Variants in TSPAN11 observed in about 807,000 individuals in gnomAD.
The protein encoded by TSPAN11 is tetraspanin 11.
In TSPAN11, 29 loss-of-function variants were observed where a neutral mutation model predicts 32.9. That is an observed-to-expected ratio of 0.88 (90% CI 0.66 to 1.20). The LOEUF (loss-of-function observed/expected upper bound fraction) is 1.20. Among genes scored for constraint, TSPAN11 ranks in the 50% most tolerant of loss-of-function variants. The pLI, the probability that TSPAN11 is intolerant of heterozygous loss-of-function variation, is 0.00. For missense variants in TSPAN11, 283 were observed against 329.1 expected (o/e 0.86, Z 1.08); for synonymous variants, 140 against 141.3 (o/e 0.99, Z 0.07).
intron 3 of TSPAN11, among the ~76,000 whole-genome samples, chr12:30,965,387 G>T (rs555595433): frequency 6.6e-6 from 1 of 152,198 alleles, no homozygotes; most frequent in Non-Finnish European, 1.5e-5. Flanking sequence ...CCTTCCTTCC[G>T]TCGGGTCATC....
chr12:30,927,967 G>A (rs1937836635), intron 1 of TSPAN11, among the ~76,000 whole-genome samples: 1 of 152,134 alleles, frequency 6.6e-6, no homozygotes, highest in African/African-American at 2.4e-5. Flanking sequence ...TAGGGTAAGG[G>A]GCACTACTGG....
chr12:30,986,384 TTTTTAAGTAGC>T (rs1939201111), intron 7 of TSPAN11, among the ~76,000 whole-genome samples: 1 of 152,206 alleles, frequency 6.6e-6, no homozygotes, highest in Non-Finnish European at 1.5e-5. Flanking sequence ...TTGTGAGCCT[TTTTTAAGTAGC>T]AGCATCCTCT....
At chr12:31,008,818 T>A in the TSPAN11 span, among the ~76,000 whole-genome samples, 1 of 152,180 alleles carries the variant, frequency 6.6e-6, no homozygotes, top group African/African-American at 2.4e-5. Context: ...CCAATGCGAA[T>A]CTAAAGCAAG....
Position 30,982,590 on chromosome 12 carries a change from T to G in TSPAN11, c.515T>G (p.Leu172Trp). 6.2e-7 allele frequency: 1 copy of G among 1,613,032 alleles called. No homozygotes were observed. The highest frequency in any genetic ancestry group is 8.5e-7 in the Non-Finnish European group (1 of 1,179,814). The stretch of plus-strand genomic sequence containing the variant: ...TGGCAGCACAGCACGTACATCCTGT[T>G]GCGGGAGGCCGAGGGCCGCCAGGTG... ...ADWQHSTYIL[L>W]REAEGRQVPD... Residue 172 changes from leucine (L) to tryptophan (W), a missense_variant, in exon 6 of 8, where the codon TTG becomes TGG. By Grantham distance (61) the Leu-to-Trp change is moderately conservative. Transcript: ENST00000546076.
chr12:30,982,222 T>C (rs1939105699), intron 5 of TSPAN11, among the ~76,000 whole-genome samples: 1 of 152,140 alleles, frequency 6.6e-6, no homozygotes, highest in Non-Finnish European at 1.5e-5. Context: ...CCTCACTCTC[T>C]GGGGACCCAC....
At position 30,954,034 on chromosome 12, in the gene TSPAN11, T is replaced by C. The variant is rs776586195; in HGVS notation, c.43T>C (p.Tyr15His). 2.5e-6 allele frequency: 4 copies of C among 1,613,982 alleles called. No homozygotes were observed. The highest frequency in any genetic ancestry group is 1.3e-5 in the African/African-American group (1 of 75,070). ...KTEQDDWLII[Y>H]LKYLLFVFNF... ...TGAGCAGGACGACTGGCTGATCATC[T>C]ACTTGAAGTATTTACTCTTTGTCTT... Residue 15 changes from tyrosine (Y) to histidine (H), a missense_variant, in exon 2 of 8, where the codon TAC becomes CAC. Physicochemically the swap from Tyr to His is moderately conservative, Grantham distance 83. Coordinates refer to ENST00000546076, the MANE Select transcript of TSPAN11 (RefSeq NM_001370302.1).
the TSPAN11 span, among the ~76,000 whole-genome samples, chr12:31,009,100 G>T: frequency 4.0e-5 from 6 of 151,348 alleles, no homozygotes; most frequent in Non-Finnish European, 5.9e-5. Context: ...AAATCAAAAT[G>T]CTCTTCCCCT....
intron 1 of TSPAN11, among the ~76,000 whole-genome samples, chr12:30,952,255 A>G (rs1938396714): frequency 6.6e-6 from 1 of 152,090 alleles, no homozygotes; most frequent in Admixed American, 6.6e-5. Flanking sequence ...AAACTCTGCC[A>G]CTTGCTAAGG....
At chr12:30,948,957 A>G (rs573786495) in intron 1 of TSPAN11, among the ~76,000 whole-genome samples, 1 of 152,278 alleles carries the variant, frequency 6.6e-6, no homozygotes, top group Admixed American at 6.5e-5. Flanking sequence ...AATTTCTTCC[A>G]CCAGATACCC....
At chr12:31,011,575 G>A in the TSPAN11 span, among the ~76,000 whole-genome samples, 16 of 152,280 alleles carry the variant, frequency 1.1e-4, no homozygotes, top group East Asian at 7.7e-4. Context: ...CGCCTCCTGC[G>A]GGGAACCAGA....
chr12:30,977,502 C>A (rs7134526), intron 3 of TSPAN11, among the ~76,000 whole-genome samples: 3,780 of 152,254 alleles, frequency 0.025, 177 homozygotes, highest in African/African-American at 0.086. Flanking sequence ...GCTGAGCTTC[C>A]CCACAGTGGG....
Position 30,975,059 on chromosome 12 carries a change from C to A in TSPAN11, c.277-3502C>A, listed in dbSNP as rs1428511662. Among the ~76,000 whole-genome samples, 1 of 152,228 alleles carries A rather than the reference C, an allele frequency of 6.6e-6. No individual in the cohort carries two copies. The highest frequency in any genetic ancestry group is 1.5e-5 in the Non-Finnish European group (1 of 68,042). On this transcript the variant is annotated intron_variant, in intron 3 of 7. Coordinates refer to ENST00000546076, the MANE Select transcript of TSPAN11 (RefSeq NM_001370302.1). This position sits in a 1 kb window ranked among gnomAD's most constrained non-coding sequence, Gnocchi z 4.5. ...GACAGGCAGGGCAAAGGCCCAAAGG[C>A]TGGACGCTTGGCCTGTGTGAAGAGA... is the stretch of plus-strand genomic sequence containing the variant.
At chr12:31,009,680 C>A in the TSPAN11 span, among the ~76,000 whole-genome samples, 1 of 151,964 alleles carries the variant, frequency 6.6e-6, no homozygotes, top group East Asian at 1.9e-4. Context: ...GTCCGTCCAC[C>A]GCCACACAGA....
At chr12:30,957,111 C>T (rs1385447843) in intron 2 of TSPAN11, among the ~76,000 whole-genome samples, 1 of 152,188 alleles carries the variant, frequency 6.6e-6, no homozygotes, top group African/African-American at 2.4e-5. Context: ...CCCTTCTCTT[C>T]GTACATCAAC....
intron 1 of TSPAN11, among the ~76,000 whole-genome samples, chr12:30,943,444 A>G (rs1243670906): frequency 1.3e-5 from 2 of 152,264 alleles, no homozygotes; most frequent in Non-Finnish European, 2.9e-5. Context: ...TAATTAATGC[A>G]CATGCATCAC....
chr12:30,935,445 G>A lies in TSPAN11; in HGVS notation c.-12+8649G>A, dbSNP rs368065526. Among the ~76,000 whole-genome samples, 261 of 144,352 alleles carry A rather than the reference G, an allele frequency of 1.8e-3. 1 individual carries two copies. The highest frequency in any genetic ancestry group is 5.6e-3 in the African/African-American group (215 of 38,166). 94.7% of individuals were successfully genotyped at this position (144,352 alleles called of 152,430 possible). On this transcript the variant is annotated intron_variant, in intron 1 of 7. Coordinates refer to ENST00000546076, the MANE Select transcript of TSPAN11 (RefSeq NM_001370302.1). ...GTCGCCCAGGCTGGAGTGCAATGGC[G>A]TGACCTCAGCTTACTGCATCCTCCA... is the stretch of plus-strand genomic sequence containing the variant.
At position 30,989,014 on chromosome 12, in the gene TSPAN11, C is replaced by T. The variant is rs113810536; in HGVS notation, c.703-2842C>T. Among the ~76,000 whole-genome samples the T allele has an allele frequency of 9.3e-3, 1,416 of 152,356 alleles. 30 individuals are homozygous for T. Among genetic ancestry groups the T allele is most frequent in the African/African-American group, 0.031 (1,282 of 41,588 alleles). On this transcript the variant is annotated intron_variant, in intron 7 of 7. Transcript: ENST00000546076. Reference sequence around the variant, plus strand: ...TTTCCTGCAGCCCTCCTCACATCAGCGTCCTGGGAGCCTCCGCCCAGGGGG... The same window carrying T: ...TTTCCTGCAGCCCTCCTCACATCAGTGTCCTGGGAGCCTCCGCCCAGGGGG...
At chr12:31,004,433 C>T in the TSPAN11 span, among the ~76,000 whole-genome samples, 1 of 151,990 alleles carries the variant, frequency 6.6e-6, no homozygotes, top group Non-Finnish European at 1.5e-5. Flanking sequence ...TGTCGATGAA[C>T]CCTGGGAAGG....
rs1938896315 is a variant in TSPAN11 at position 30,973,519 on chromosome 12, C to A, written c.277-5042C>A. 2.0e-5 allele frequency among the ~76,000 whole-genome samples: 3 copies of A among 152,150 alleles called. No homozygotes were observed. In the South Asian group the frequency reaches 6.2e-4, roughly 32 times the overall value. On this transcript the variant is annotated intron_variant, in intron 3 of 7. Coordinates refer to ENST00000546076, the MANE Select transcript of TSPAN11 (RefSeq NM_001370302.1). ...GGAAGGGATGCCTGTCTATTGCTCC[C>A]ACTACAGAAAACCTGCCTGCCCTCT... is the stretch of plus-strand genomic sequence containing the variant.
Sources: allele counts gnomAD v4.1 joint callset (sites outside exome capture counted in the v4.1 genomes callset), GRCh38; gene constraint gnomAD v4.1.1; non-coding constraint Gnocchi (gnomAD v3.1); transcripts MANE v1.5; gene names NCBI Gene and HGNC (gene_info 2026-07-23, HGNC 2026-07-21).